The following PPP1R12A variants were observed in gnomAD, a reference collection of about 807,000 sequenced individuals.
PPP1R12A encodes protein phosphatase 1 regulatory subunit 12A.
In PPP1R12A, 19 loss-of-function variants were observed where a neutral mutation model predicts 139.6. That is an observed-to-expected ratio of 0.14 (90% CI 0.09 to 0.20). The LOEUF (loss-of-function observed/expected upper bound fraction) is 0.20. Ranked by LOEUF, PPP1R12A falls within the 10% of genes least tolerant of loss-of-function variation. PPP1R12A has a pLI of 1.00. For missense variants in PPP1R12A, 925 were observed against 1,211.5 expected, an observed-to-expected ratio of 0.76 and a Z score of 3.51; for synonymous variants, 427 against 420.6, an observed-to-expected ratio of 1.02 and a Z score of -0.19.
intron 1 of PPP1R12A, among the ~76,000 whole-genome samples, chr12:79,875,359 T>C (rs567963284): frequency 6.6e-6 from 1 of 152,300 alleles, no homozygotes; most frequent in East Asian, 1.9e-4. Context: ...ATTGGGAAGG[T>C]GGGATGAAAT....
At position 79,935,024 on chromosome 12, in the gene PPP1R12A, C is replaced by T. The variant is rs1565825604; in HGVS notation, c.-93G>A. 5 of 1,466,700 alleles carry T rather than the reference C, an allele frequency of 3.4e-6. No homozygotes were observed. The highest frequency in any genetic ancestry group is 4.5e-6 in the Non-Finnish European group (5 of 1,108,024). 90.9% of individuals were successfully genotyped at this position (1,466,700 alleles called of 1,614,324 possible). On this transcript the variant is annotated 5_prime_UTR_variant, in exon 1 of 25. Coordinates refer to ENST00000450142, the MANE Select transcript of PPP1R12A (RefSeq NM_002480.3). ...GGAGGCAGGGGGTGTGTGAATGTTT[C>T]TATGAGTGCGGGCCAGAGGAGGGCT...
At chr12:79,854,784 A>T (rs912294782) in intron 2 of PPP1R12A, among the ~76,000 whole-genome samples, 1 of 151,908 alleles carries the variant, frequency 6.6e-6, no homozygotes, top group African/African-American at 2.4e-5. Context: ...CGATCCTCCC[A>T]CCTCAGCCTC....
In PPP1R12A at chr12:79,775,879, C is replaced by A; in HGVS notation, c.*50G>T. On this transcript the variant is annotated 3_prime_UTR_variant, in exon 25 of 25. Transcript: ENST00000450142. ...CTTCCAGTGACTGCCAATTATGGTC[C>A]ACTGGGTTACTAATATGTGCAATTC... 1 of 1,322,174 alleles carries A rather than the reference C, an allele frequency of 7.6e-7. No individual in the cohort carries two copies. The allele number at this position is 1,322,174 out of a possible 1,614,324, so 81.9% of individuals were successfully genotyped here.
intron 2 of PPP1R12A, among the ~76,000 whole-genome samples, chr12:79,863,501 C>T (rs1466968752): frequency 6.6e-6 from 1 of 151,980 alleles, no homozygotes; most frequent in Non-Finnish European, 1.5e-5. Flanking sequence ...CTAAATGCCC[C>T]ACTTAAAGGA....
In PPP1R12A at chr12:79,857,437, TG is replaced by T. The variant is rs1880804923; in HGVS notation, c.369-12018del. ...TCACACTCTGGGGACTGTTGTGGGG[TG>T]GGGGGAAGGGGGAGGGATAGCATTA... is the stretch of plus-strand genomic sequence containing the variant. On this transcript the variant is annotated intron_variant, in intron 2 of 24. Coordinates refer to ENST00000450142, the MANE Select transcript of PPP1R12A (RefSeq NM_002480.3). Among the ~76,000 whole-genome samples the T allele has an allele frequency of 3.9e-5, 3 of 76,656 alleles. No homozygotes were observed. In the Admixed American group the frequency reaches 4.8e-4, roughly 12 times the overall value. The allele number at this position is 76,656 out of a possible 152,430, so 50.3% of individuals were successfully genotyped here.
In PPP1R12A at chr12:79,934,728, G is replaced by A. The variant is rs372128266; in HGVS notation, c.204C>T (p.Tyr68=). ...KLLHRGADIN[Y]ANVDGLTALH... ...GGGCAGTGAGTCCGTCCACATTGGC[G>A]TAATTGATGTCGGCGCCGCGGTGCA... Residue 68 remains tyrosine (Y), a synonymous_variant, in exon 1 of 25, where the codon TAC becomes TAT. Transcript: ENST00000450142. 7.7e-5 allele frequency: 119 copies of A among 1,548,904 alleles called. No homozygotes were observed. The highest frequency in any genetic ancestry group is 1.2e-4 in the Admixed American group (6 of 50,846).
intron 1 of PPP1R12A, among the ~76,000 whole-genome samples, chr12:79,893,469 T>A (rs1259514926): frequency 6.6e-6 from 1 of 152,162 alleles, no homozygotes; most frequent in Non-Finnish European, 1.5e-5. Context: ...CAAGAACCCA[T>A]CTTAGTTGTT....
chr12:79,793,738 C>T lies in PPP1R12A; in HGVS notation c.2649+125G>A, dbSNP rs1052805716. 1.4e-5 allele frequency: 9 copies of T among 658,104 alleles called. No homozygotes were observed. In the African/African-American group the frequency reaches 1.7e-4, roughly 13 times the overall value. The allele number at this position is 658,104 out of a possible 1,614,324, so 40.8% of individuals were successfully genotyped here. The stretch of plus-strand genomic sequence containing the variant: ...GATCCCCAGGCAAACACTGATATTG[C>T]ATACCCAGCATGTAGGTAGAGTATG... On this transcript the variant is annotated intron_variant, in intron 19 of 24. Transcript: ENST00000450142.
intron 9 of PPP1R12A, among the ~76,000 whole-genome samples, chr12:79,816,127 TA>T (rs1875352206): frequency 6.6e-6 from 1 of 152,106 alleles, no homozygotes; most frequent in Non-Finnish European, 1.5e-5. Flanking sequence ...CTCATGCACA[TA>T]ATGTCAAACG....
intron 1 of PPP1R12A, among the ~76,000 whole-genome samples, chr12:79,900,984 T>C (rs963527851): frequency 1.3e-5 from 2 of 152,238 alleles, no homozygotes; most frequent in East Asian, 3.9e-4. Context: ...TATCTAGCAA[T>C]CAATGTCCCA....
intron 14 of PPP1R12A, among the ~76,000 whole-genome samples, chr12:79,805,250 T>C (rs1441670596): frequency 6.6e-6 from 1 of 152,236 alleles, no homozygotes; most frequent in Non-Finnish European, 1.5e-5. Flanking sequence ...GTTTTTGTCA[T>C]GTTGCATCTA....
chr12:79,876,231 C>T (rs895120761), intron 1 of PPP1R12A, among the ~76,000 whole-genome samples: 17 of 152,118 alleles, frequency 1.1e-4, no homozygotes, highest in Admixed American at 7.2e-4. Context: ...TTCTCCATAC[C>T]GTTTATTACA....
chr12:79,866,865 T>C (rs1284983005), intron 2 of PPP1R12A, among the ~76,000 whole-genome samples: 1 of 152,194 alleles, frequency 6.6e-6, no homozygotes, highest in East Asian at 1.9e-4. Context: ...TTTTACACTG[T>C]TGGTGGGAGT....
chr12:79,826,442 G>A (rs1291617864), intron 5 of PPP1R12A, among the ~76,000 whole-genome samples: 4 of 147,762 alleles, frequency 2.7e-5, no homozygotes, highest in East Asian at 4.1e-4. Context: ...GGACTCAAGC[G>A]ATCCTTCTAC....
At chr12:79,911,548 G>T (rs1015333897) in intron 1 of PPP1R12A, among the ~76,000 whole-genome samples, 1 of 152,102 alleles carries the variant, frequency 6.6e-6, no homozygotes, top group South Asian at 2.1e-4. Context: ...CCCATGACAC[G>T]CAGTTTAACT....
rs1555217523 is a variant in PPP1R12A at position 79,846,439 on chromosome 12, G to GC, written c.369-1020_369-1019insG. On this transcript the variant is annotated intron_variant, in intron 2 of 24. Coordinates refer to ENST00000450142, the MANE Select transcript of PPP1R12A (RefSeq NM_002480.3). ...CCAAGTCAATTTCTTTTTTCTCTCT[G>GC]TTTTTTTTGAGACAGAGTCTCGCTT... is the stretch of plus-strand genomic sequence containing the variant. 3.7e-5 allele frequency among the ~76,000 whole-genome samples: 5 copies of GC among 135,026 alleles called. No individual in the cohort carries two copies. In the East Asian group the frequency reaches 1.2e-3, roughly 31 times the overall value. The allele number at this position is 135,026 out of a possible 152,430, so 88.6% of individuals were successfully genotyped here.
chr12:79,838,322 CAA>C (rs1878325219), intron 3 of PPP1R12A, among the ~76,000 whole-genome samples: 1 of 152,086 alleles, frequency 6.6e-6, no homozygotes, highest in African/African-American at 2.4e-5. Context: ...GCAAAGTGTT[CAA>C]AAGGAAGCAG....
intron 1 of PPP1R12A, among the ~76,000 whole-genome samples, chr12:79,886,047 A>G (rs1044677184): frequency 6.6e-6 from 1 of 152,160 alleles, no homozygotes; most frequent in Non-Finnish European, 1.5e-5. Context: ...TGGTACAAGC[A>G]GAAATTGTGT....
chr12:79,916,783 C>A (rs1012926463), intron 1 of PPP1R12A, among the ~76,000 whole-genome samples: 2 of 152,130 alleles, frequency 1.3e-5, no homozygotes, highest in African/African-American at 4.8e-5. Context: ...ACACCAGCTT[C>A]TTTGAGTGGC....
Sources: gnomAD v4.1 joint callset for allele counts (sites outside exome capture counted in the v4.1 genomes callset) on GRCh38, gnomAD v4.1.1 for gene constraint, MANE v1.5 for transcripts, NCBI Gene and HGNC (gene_info 2026-07-23, HGNC 2026-07-21) for gene names.